TNKS: variants seen among roughly 807,000 people sequenced by gnomAD.
TNKS encodes the protein tankyrase.
In TNKS, 72 loss-of-function variants were observed where a neutral mutation model predicts 135.8. That is an observed-to-expected ratio of 0.53 (90% CI 0.44 to 0.64). The LOEUF is 0.64. TNKS is among the 30% of genes least tolerant of loss of function. The pLI, the probability that TNKS is intolerant of heterozygous loss-of-function variation, is 0.00. For synonymous variants in TNKS, 849 were observed against 649.3 expected (o/e 1.31, Z -4.68); for missense variants, 1,769 against 1,674.0 (o/e 1.06, Z -0.99).
chr8:9,762,884 G>A (rs1447911862), intron 21 of TNKS, among the ~76,000 whole-genome samples: 13 of 146,972 alleles, frequency 8.8e-5, no homozygotes, highest in African/African-American at 2.3e-4. Flanking sequence ...CAGCCTGGGC[G>A]ACAGAGCGAG....
intron 13 of TNKS, among the ~76,000 whole-genome samples, chr8:9,729,283 C>G (rs760701578): frequency 6.6e-6 from 1 of 152,162 alleles, no homozygotes; most frequent in Non-Finnish European, 1.5e-5. Flanking sequence ...TCCAGAAGGA[C>G]ACAAACATTC....
At chr8:9,698,268 C>G (rs1803613995) in intron 5 of TNKS, among the ~76,000 whole-genome samples, 1 of 148,474 alleles carries the variant, frequency 6.7e-6, no homozygotes. Context: ...AGCACAGGTT[C>G]AAGAACAAAC....
At chr8:9,607,221 A>T (rs1335808924) in intron 2 of TNKS, among the ~76,000 whole-genome samples, 1 of 152,224 alleles carries the variant, frequency 6.6e-6, no homozygotes, top group Non-Finnish European at 1.5e-5. Context: ...CCAAAACAAA[A>T]AATAATCCTA....
intron 1 of TNKS, among the ~76,000 whole-genome samples, chr8:9,577,013 A>T (rs1328943123): frequency 6.6e-6 from 1 of 152,226 alleles, no homozygotes; most frequent in East Asian, 1.9e-4. Flanking sequence ...GGAAGCAAAG[A>T]GGGGACTAGG....
intron 1 of TNKS, among the ~76,000 whole-genome samples, chr8:9,565,681 C>T (rs746875788): frequency 6.6e-6 from 1 of 151,838 alleles, no homozygotes; most frequent in Non-Finnish European, 1.5e-5. Flanking sequence ...GAAACCCCGT[C>T]TCTACTAAAA....
At chr8:9,671,805 C>T (rs914745410) in intron 3 of TNKS, among the ~76,000 whole-genome samples, 3 of 152,220 alleles carry the variant, frequency 2.0e-5, no homozygotes, top group Admixed American at 1.3e-4. Flanking sequence ...CACCCCTTAT[C>T]CACAGTTTCA....
At chr8:9,770,078 A>G (rs779992441) in intron 25 of TNKS, 28 bp from the exon 26 acceptor site, 10 of 1,573,916 alleles carry the variant, frequency 6.4e-6, no homozygotes, top group Admixed American at 3.6e-5. Flanking sequence ...AGCTTCCTTC[A>G]AAGCATTGTT....
At chr8:9,719,836 G>C (rs1319675861) in intron 11 of TNKS, among the ~76,000 whole-genome samples, 1 of 152,034 alleles carries the variant, frequency 6.6e-6, no homozygotes, top group African/African-American at 2.4e-5. Context: ...GCTTTAAAAA[G>C]GAATGTTTGA....
In TNKS at chr8:9,583,306, A is replaced by G. The variant is rs182934918; in HGVS notation, c.898+2923A>G. Among the ~76,000 whole-genome samples, 300 of 152,262 alleles carry G rather than the reference A, an allele frequency of 2.0e-3. 1 individual carries two copies. Among genetic ancestry groups the G allele is most frequent in the African/African-American group, 6.5e-3 (272 of 41,528 alleles). ...CTTGAAATGCTTGTATAATTAAACA[A>G]ACTACTTAAGACTGTGGTCTTGGGA... is the stretch of plus-strand genomic sequence containing the variant. On this transcript the variant is annotated intron_variant, in intron 2 of 26. Transcript: ENST00000310430.
chr8:9,573,674 A>C (rs997805413), intron 1 of TNKS, among the ~76,000 whole-genome samples: 1 of 152,158 alleles, frequency 6.6e-6, no homozygotes, highest in Admixed American at 6.5e-5. Context: ...TTACGCTTAA[A>C]AAGCATGAGA....
chr8:9,608,539 C>G (rs114250577), intron 2 of TNKS, among the ~76,000 whole-genome samples: 1,560 of 152,204 alleles, frequency 0.01, 19 homozygotes, highest in African/African-American at 0.033. Flanking sequence ...TTGTTGTGCT[C>G]TCAGTCCCTA....
At chr8:9,653,174 A>G (rs1801207405) in intron 3 of TNKS, among the ~76,000 whole-genome samples, 1 of 152,222 alleles carries the variant, frequency 6.6e-6, no homozygotes, top group African/African-American at 2.4e-5. Context: ...AAGGAAGGAC[A>G]CAAAGCACAT....
intron 3 of TNKS, among the ~76,000 whole-genome samples, chr8:9,644,420 T>C (rs1469041123): frequency 1.3e-5 from 2 of 152,224 alleles, no homozygotes; most frequent in African/African-American, 4.8e-5. Context: ...TTTAGTTATA[T>C]TCATTTGATA....
chr8:9,693,226 A>G (rs554549904), intron 5 of TNKS, among the ~76,000 whole-genome samples: 1 of 152,350 alleles, frequency 6.6e-6, no homozygotes, highest in Non-Finnish European at 1.5e-5. Flanking sequence ...CACAATGGAA[A>G]TACTGTACAG....
intron 3 of TNKS, among the ~76,000 whole-genome samples, chr8:9,621,912 G>A (rs1799881342): frequency 6.6e-6 from 1 of 152,170 alleles, no homozygotes; most frequent in South Asian, 2.1e-4. Flanking sequence ...GATTTTAAAA[G>A]ATTGCCTTTA....
At chr8:9,556,644 T>G (rs1815323731) in intron 1 of TNKS, 32 bp downstream of exon 1, 2 of 1,611,004 alleles carry the variant, frequency 1.2e-6, no homozygotes, top group African/African-American at 2.7e-5. Flanking sequence ...TATTAAGGGT[T>G]ATGGGTTTGG....
chr8:9,702,948 G>A (rs1178818915), intron 5 of TNKS, among the ~76,000 whole-genome samples: 4 of 152,106 alleles, frequency 2.6e-5, no homozygotes, highest in Admixed American at 6.5e-5. Context: ...CCCGGGAGGC[G>A]GAGGTGGCAG....
chr8:9,726,778 T>A, intron 13 of TNKS, 58 bp downstream of exon 13: 1 of 1,354,696 alleles, frequency 7.4e-7, no homozygotes. Flanking sequence ...AACCAATTCA[T>A]TTTTAAGCTT....
intron 17 of TNKS, chr8:9,740,823 G>GTTTTTTTT (rs565849400): frequency 1.7e-4 from 10 of 60,464 alleles, no homozygotes; most frequent in East Asian, 1.0e-3. Flanking sequence ...TGTAATTCTT[G>GTTTTTTTT]TTGTTTTTTT....
Sources: allele counts gnomAD v4.1 joint callset (sites outside exome capture counted in the v4.1 genomes callset), GRCh38; gene constraint gnomAD v4.1.1; transcripts MANE v1.5; gene names NCBI Gene and HGNC (gene_info 2026-07-23, HGNC 2026-07-21).